DYNC1I1: variants seen among roughly 807,000 people sequenced by gnomAD.
DYNC1I1 encodes cytoplasmic dynein 1 intermediate chain 1.
Under a neutral mutation model 86.6 loss-of-function variants are expected in DYNC1I1, and 43 were observed. The observed-to-expected ratio is 0.50, with a 90% confidence interval of 0.39 to 0.64. The LOEUF (loss-of-function observed/expected upper bound fraction) is 0.64. DYNC1I1 is among the 30% of genes least tolerant of loss of function. DYNC1I1 has a pLI of 0.00. For synonymous variants in DYNC1I1, 262 were observed against 283.7 expected, an observed-to-expected ratio of 0.92 and a Z score of 0.77; for missense variants, 604 against 788.8, an observed-to-expected ratio of 0.77 and a Z score of 2.81.
At chr7:95,824,590 T>C (rs543030330) in intron 4 of DYNC1I1, among the ~76,000 whole-genome samples, 1 of 152,308 alleles carries the variant, frequency 6.6e-6, no homozygotes, top group South Asian at 2.1e-4. Flanking sequence ...TGCCCATTGG[T>C]TAAATAAATT....
chr7:95,833,400 G>C (rs1160346942), intron 5 of DYNC1I1, among the ~76,000 whole-genome samples: 1 of 150,106 alleles, frequency 6.7e-6, no homozygotes, highest in Non-Finnish European at 1.5e-5. Flanking sequence ...AAGTCAGGTA[G>C]TGTGATGCCT....
chr7:95,973,177 T>C (rs1793217943), intron 6 of DYNC1I1, among the ~76,000 whole-genome samples: 1 of 152,212 alleles, frequency 6.6e-6, no homozygotes, highest in Non-Finnish European at 1.5e-5. Context: ...TTTAAAGTTA[T>C]TTAACTGTTT....
At chr7:95,913,495 A>T (rs924267447) in intron 6 of DYNC1I1, among the ~76,000 whole-genome samples, 3 of 152,168 alleles carry the variant, frequency 2.0e-5, no homozygotes, top group Admixed American at 6.5e-5. Flanking sequence ...GTGATAGTGA[A>T]TAAGTCTCAC....
At position 95,879,882 on chromosome 7, in the gene DYNC1I1, T is replaced by C. The variant is rs1790407872; in HGVS notation, c.490+9884T>C. Among the ~76,000 whole-genome samples the C allele has an allele frequency of 4.6e-5, 7 of 152,196 alleles. No individual in the cohort carries two copies. The South Asian group carries it at 1.5e-3, about 32-fold the overall frequency. On this transcript the variant is annotated intron_variant, in intron 6 of 16. Coordinates refer to ENST00000447467, the MANE Select transcript of DYNC1I1 (RefSeq NM_001135556.2). Reference sequence around the variant, plus strand: ...AATTGTCCAACATTTTTTGATTGGATGTAACTAACTTATCAATGGTTCTAA... The same window carrying C: ...AATTGTCCAACATTTTTTGATTGGACGTAACTAACTTATCAATGGTTCTAA...
At chr7:96,028,789 T>G (rs570990583) in intron 11 of DYNC1I1, among the ~76,000 whole-genome samples, 28 of 152,190 alleles carry the variant, frequency 1.8e-4, no homozygotes, top group Non-Finnish European at 3.5e-4. Context: ...GTGGTGTAAG[T>G]CTCAACATAA....
chr7:95,850,937 A>G (rs1789560725), intron 5 of DYNC1I1, among the ~76,000 whole-genome samples: 1 of 152,076 alleles, frequency 6.6e-6, no homozygotes, highest in African/African-American at 2.4e-5. Flanking sequence ...GAAGCACTGT[A>G]ATACCACAAC....
intron 6 of DYNC1I1, among the ~76,000 whole-genome samples, chr7:95,926,141 C>T (rs1791738899): frequency 6.6e-6 from 1 of 152,116 alleles, no homozygotes; most frequent in Non-Finnish European, 1.5e-5. Flanking sequence ...AGATTTCAAA[C>T]AATGTACATA....
Position 95,836,935 on chromosome 7 carries a change from A to C in DYNC1I1, c.374+8819A>C, listed in dbSNP as rs1387650571. On this transcript the variant is annotated intron_variant, in intron 5 of 16. Transcript: ENST00000447467. ...TGAATGTCCTCCCGTAGCTCAGAGT[A>C]ATTTGATCGTCTGAAGCCTTCTTCT... 1.7e-4 allele frequency among the ~76,000 whole-genome samples: 26 copies of C among 152,040 alleles called. No homozygotes were observed. The South Asian group carries it at 5.0e-3, about 29-fold the overall frequency.
chr7:96,108,358 C>T (rs1484584909), intron 16 of DYNC1I1, among the ~76,000 whole-genome samples: 34 of 152,204 alleles, frequency 2.2e-4, no homozygotes, highest in African/African-American at 7.9e-4. Context: ...CTATCTCTTT[C>T]TGCAAAGGGA....
At chr7:95,922,055 A>G (rs1418484619) in intron 6 of DYNC1I1, among the ~76,000 whole-genome samples, 1 of 152,226 alleles carries the variant, frequency 6.6e-6, no homozygotes, top group Admixed American at 6.5e-5. Context: ...ATCAAGTGCA[A>G]TCAAAGAATT....
intron 2 of DYNC1I1, 45 bp downstream of exon 2, chr7:95,804,882 A>G (rs1794668384): frequency 6.5e-7 from 1 of 1,532,588 alleles, no homozygotes; most frequent in African/African-American, 1.4e-5. Context: ...AAGGAAAATC[A>G]CTTGATTCTG....
At chr7:95,773,440 C>G (rs1793760499) in intron 1 of DYNC1I1, among the ~76,000 whole-genome samples, 1 of 152,126 alleles carries the variant, frequency 6.6e-6, no homozygotes, top group Non-Finnish European at 1.5e-5. Context: ...CTTATAAATC[C>G]GTGCGTCGTC....
chr7:95,819,254 A>T (rs1429962568), intron 4 of DYNC1I1, among the ~76,000 whole-genome samples: 1 of 152,150 alleles, frequency 6.6e-6, no homozygotes, highest in Non-Finnish European at 1.5e-5. Flanking sequence ...GTTACTATTC[A>T]GTTTCTTATT....
Position 95,910,576 on chromosome 7 carries a change from G to C in DYNC1I1, c.490+40578G>C, listed in dbSNP as rs114678650. Among the ~76,000 whole-genome samples, 660 of 152,310 alleles carry C rather than the reference G, an allele frequency of 4.3e-3. 8 individuals are homozygous for C. The highest frequency in any genetic ancestry group is 0.015 in the African/African-American group (615 of 41,570). On this transcript the variant is annotated intron_variant, in intron 6 of 16. Coordinates refer to ENST00000447467, the MANE Select transcript of DYNC1I1 (RefSeq NM_001135556.2). ...GGGCATTAGCAAGGGTTTGGAGGCA[G>C]GTGTGCTGGGGCCAGTAAGTAGAGC...
chr7:96,043,978 G>T (rs940156869), intron 14 of DYNC1I1, among the ~76,000 whole-genome samples: 7 of 152,164 alleles, frequency 4.6e-5, no homozygotes, highest in African/African-American at 1.7e-4. Flanking sequence ...AAAGTGCTGG[G>T]ATTACAGGTG....
At chr7:95,774,351 G>T (rs139289921) in intron 1 of DYNC1I1, among the ~76,000 whole-genome samples, 2 of 152,316 alleles carry the variant, frequency 1.3e-5, no homozygotes, top group East Asian at 3.9e-4. Flanking sequence ...GGACCTCTGA[G>T]ATGCTGCAGC....
At chr7:95,845,868 C>T (rs916463983) in intron 5 of DYNC1I1, among the ~76,000 whole-genome samples, 3 of 152,146 alleles carry the variant, frequency 2.0e-5, no homozygotes, top group African/African-American at 7.2e-5. Flanking sequence ...TCTTGAGAAG[C>T]TTCTATCACC....
At chr7:95,846,128 G>T (rs1272168967) in intron 5 of DYNC1I1, among the ~76,000 whole-genome samples, 1 of 152,072 alleles carries the variant, frequency 6.6e-6, no homozygotes, top group Non-Finnish European at 1.5e-5. Flanking sequence ...GTAGTAAAAG[G>T]TCATTCCTAT....
intron 14 of DYNC1I1, among the ~76,000 whole-genome samples, chr7:96,049,388 G>A (rs1287343070): frequency 6.6e-6 from 1 of 151,656 alleles, no homozygotes; most frequent in African/African-American, 2.4e-5. Context: ...GGAGTTTTTT[G>A]GCCTTTTTCC....
Sources: allele counts gnomAD v4.1 joint callset (sites outside exome capture counted in the v4.1 genomes callset), GRCh38; gene constraint gnomAD v4.1.1; transcripts MANE v1.5; gene names NCBI Gene and HGNC (gene_info 2026-07-23, HGNC 2026-07-21).